The following SMPX variants were observed in gnomAD, a reference collection of about 807,000 sequenced individuals.
SMPX encodes small muscle protein X-linked.
A neutral mutation model predicts 6.3 loss-of-function variants in SMPX; 2 were observed. The ratio of observed to expected loss-of-function variants is 0.32; its 90% CI spans 0.13 to 0.99. The LOEUF (loss-of-function observed/expected upper bound fraction) is 0.99, where lower values mean the gene tolerates loss of function less well. Among genes scored for constraint, SMPX ranks in the 50% least tolerant of loss-of-function variants. The pLI is 0.49. For missense variants in SMPX, 60 were observed against 66.8 expected (o/e 0.90, Z 0.36); for synonymous variants, 32 against 24.7 (o/e 1.30, Z -0.88).
At chrX:21,715,626 A>G (rs1758683051) in intron 4 of SMPX, among the ~76,000 whole-genome samples, 1 of 111,008 alleles carries the variant, frequency 9.0e-6, no homozygotes. Flanking sequence ...GAGACCACAT[A>G]TATCTAGTAA....
intron 2 of SMPX, among the ~76,000 whole-genome samples, chrX:21,752,372 A>G (rs1210269001): frequency 8.9e-6 from 1 of 112,068 alleles, no homozygotes. Flanking sequence ...TTTTATGTTT[A>G]GCACTTCTGG....
At chrX:21,714,794 C>A (rs766162848) in intron 4 of SMPX, among the ~76,000 whole-genome samples, 6 of 112,649 alleles carry the variant, frequency 5.3e-5, no homozygotes, top group African/African-American at 1.9e-4. Context: ...GGCTTCTCTA[C>A]CAATTATACA....
In SMPX at chrX:21,737,603, A is replaced by G. The variant is rs1472137937; in HGVS notation, c.227T>C (p.Ile76Thr). 4.1e-6 allele frequency: 5 copies of G among 1,205,020 alleles called. No homozygotes were observed. Among genetic ancestry groups the G allele is most frequent in the Non-Finnish European group, 5.6e-6 (5 of 889,712 alleles). ...GGGGACATATTTTAGTTCACTTTTA[A>G]TATTCTGGATTTCCGATAGATTGAC... ...PAVNLSEIQNIKSELKYVPKA... is the reference protein window; with the variant it reads ...PAVNLSEIQNTKSELKYVPKA... Residue 76 changes from isoleucine to threonine, a missense_variant, in exon 4 of 5, where the codon ATT becomes ACT. Ile to Thr is a moderately conservative substitution (Grantham distance 89). Transcript: ENST00000379494.
rs34947234 is a variant in SMPX, at chrX:21,715,262, CTGTGTGTGTGTGTG to C, written c.*15-8882_*15-8869del. On this transcript the variant is annotated intron_variant, in intron 4 of 4. Transcript: ENST00000379494. ...ATAGGCTGTTGTAACTCACTCTGCTCTGTGTGTGTGTGTGTGTGTGTGTGTGTGTGTGTGTGTGT... is the reference window on the plus strand; with the variant it reads ...ATAGGCTGTTGTAACTCACTCTGCTCTGTGTGTGTGTGTGTGTGTGTGTGT... Among the ~76,000 whole-genome samples the C allele has an allele frequency of 1.4e-3, 134 of 94,614 alleles. 1 individual carries two copies. Among genetic ancestry groups the C allele is most frequent in the South Asian group, 8.7e-3 (16 of 1,836 alleles). The allele number at this position is 94,614 out of a possible 115,157, so 82.2% of individuals were successfully genotyped here. A position where few individuals can be genotyped will look rare whatever the true frequency, so the allele number is the denominator to read the frequency against.
chrX:21,756,082 T>C (rs770137356), intron 1 of SMPX, among the ~76,000 whole-genome samples: 1 of 112,270 alleles, frequency 8.9e-6, no homozygotes, highest in Non-Finnish European at 1.9e-5. Context: ...CAAAAGCTGT[T>C]AGAAGTCATA....
chrX:21,721,198 T>C (rs759256295), intron 4 of SMPX, among the ~76,000 whole-genome samples: 5 of 111,828 alleles, frequency 4.5e-5, no homozygotes, highest in African/African-American at 1.6e-4. Context: ...TGACTCTATA[T>C]ATTGCTGGGT....
intron 4 of SMPX, among the ~76,000 whole-genome samples, chrX:21,712,645 C>G (rs1320917988): frequency 9.0e-6 from 1 of 110,930 alleles, no homozygotes; most frequent in East Asian, 2.8e-4. Context: ...CCAGTCCTCC[C>G]TGTCTCTAAA....
intron 4 of SMPX, among the ~76,000 whole-genome samples, chrX:21,732,774 CAT>C (rs1229396923): frequency 1.8e-5 from 2 of 111,686 alleles, no homozygotes; most frequent in Non-Finnish European, 3.8e-5. Context: ...CCCCCAAATT[CAT>C]ATGTTGAAGC....
intron 4 of SMPX, among the ~76,000 whole-genome samples, chrX:21,711,501 A>T (rs2092778688): frequency 8.9e-6 from 1 of 111,975 alleles, no homozygotes; most frequent in South Asian, 3.8e-4. Context: ...CAAAAATGAC[A>T]TGGAAGCAAA....
In SMPX at chrX:21,743,740, T is replaced by C; in HGVS notation, c.132+10A>G. 8.4e-7 allele frequency: 1 copy of C among 1,190,391 alleles called. No individual in the cohort carries two copies. The highest frequency in any genetic ancestry group is 1.1e-6 in the Non-Finnish European group (1 of 876,612). On this transcript the variant is annotated intron_variant, in intron 3 of 4. Coordinates refer to ENST00000379494, the MANE Select transcript of SMPX (RefSeq NM_014332.3). ...ACATTGCTGTGTTCTGAGAGCTGAG[T>C]TTTCCTCACCTCCTCCACTTCAGGA...
chrX:21,752,746 C>T lies in SMPX; in HGVS notation c.45+1500G>A, dbSNP rs189594423. ...GTTAGCCAGGATGGTCTCGATCTCC[C>T]AACCTCGTGATCTGCCCATCTCAGC... On this transcript the variant is annotated intron_variant, in intron 2 of 4. Coordinates refer to ENST00000379494, the MANE Select transcript of SMPX (RefSeq NM_014332.3). 3.6e-5 allele frequency among the ~76,000 whole-genome samples: 4 copies of T among 111,214 alleles called. No individual in the cohort carries two copies. The Admixed American group carries it at 3.8e-4, about 11-fold the overall frequency.
At chrX:21,715,151 G>A (rs1266170025) in intron 4 of SMPX, among the ~76,000 whole-genome samples, 1 of 111,202 alleles carries the variant, frequency 9.0e-6, no homozygotes, top group African/African-American at 3.3e-5. Flanking sequence ...ATTTTATAAT[G>A]TTAAAAGAGA....
intron 4 of SMPX, among the ~76,000 whole-genome samples, chrX:21,719,505 G>C (rs1387905733): frequency 9.5e-6 from 1 of 105,116 alleles, no homozygotes; most frequent in African/African-American, 3.6e-5. Context: ...TCAATAGAGT[G>C]AGATTCCATC....
intron 2 of SMPX, among the ~76,000 whole-genome samples, chrX:21,744,830 A>G (rs2092819808): frequency 1.8e-5 from 2 of 112,361 alleles, no homozygotes; most frequent in Admixed American, 1.9e-4. Context: ...CAAAGGGAGC[A>G]AAATATTTTT....
At chrX:21,711,691 A>G (rs1467566488) in intron 4 of SMPX, among the ~76,000 whole-genome samples, 1 of 111,828 alleles carries the variant, frequency 8.9e-6, no homozygotes, top group African/African-American at 3.3e-5. Context: ...CATGTGGGAA[A>G]TGGAGTCCAC....
intron 4 of SMPX, among the ~76,000 whole-genome samples, chrX:21,717,124 A>G (rs763773372): frequency 4.4e-4 from 49 of 111,331 alleles, no homozygotes; most frequent in Non-Finnish European, 7.9e-4. Flanking sequence ...CTGTGCCCCC[A>G]CCCAAATCTC....
intron 4 of SMPX, among the ~76,000 whole-genome samples, chrX:21,720,007 G>A (rs772206504): frequency 8.1e-5 from 9 of 111,765 alleles, no homozygotes; most frequent in Non-Finnish European, 1.7e-4. Flanking sequence ...TTTGGACCTC[G>A]GTTTTATCAT....
chrX:21,733,794 G>A (rs1456421694), intron 4 of SMPX: 2 of 323,475 alleles, frequency 6.2e-6, no homozygotes, highest in Admixed American at 6.4e-5. Flanking sequence ...GCAGGCTGTG[G>A]GGTTTTATTT....
At position 21,731,555 on chromosome X, in the gene SMPX, A is replaced by G. The variant is rs770266057; in HGVS notation, c.*14+5994T>C. ...ACACATTATGTGTGTATGTGTATATATACACATTATGTGTATATGTGTATA... is the reference window on the plus strand; with the variant it reads ...ACACATTATGTGTGTATGTGTATATGTACACATTATGTGTATATGTGTATA... On this transcript the variant is annotated intron_variant, in intron 4 of 4. Transcript: ENST00000379494. Among the ~76,000 whole-genome samples, 27 of 72,836 alleles carry G rather than the reference A, an allele frequency of 3.7e-4. 1 individual carries two copies. The highest frequency in any genetic ancestry group is 1.9e-3 in the South Asian group (2 of 1,058). The allele number at this position is 72,836 out of a possible 115,157, so 63.2% of individuals were successfully genotyped here.
Sources: allele counts gnomAD v4.1 joint callset (sites outside exome capture counted in the v4.1 genomes callset), GRCh38; gene constraint gnomAD v4.1.1; transcripts MANE v1.5; gene names NCBI Gene and HGNC (gene_info 2026-07-23, HGNC 2026-07-21).